CCDC3: variants seen among roughly 807,000 people sequenced by gnomAD.
CCDC3 encodes the protein coiled-coil domain-containing protein 3.
Under a neutral mutation model 21.4 loss-of-function variants are expected in CCDC3, and 24 were observed. The ratio of observed to expected loss-of-function variants is 1.12; its 90% CI spans 0.81 to 1.58. The LOEUF (loss-of-function observed/expected upper bound fraction) is 1.58, where lower values mean the gene tolerates loss of function less well. Ranked by LOEUF, CCDC3 falls within the 40% of genes most tolerant of loss-of-function variation. The pLI is 0.00. For synonymous variants in CCDC3, 186 were observed against 166.0 expected (o/e 1.12, Z -0.93); for missense variants, 425 against 360.9 (o/e 1.18, Z -1.44).
intron 2 of CCDC3, among the ~76,000 whole-genome samples, chr10:12,958,664 C>A (rs1345805921): frequency 6.6e-6 from 1 of 152,164 alleles, no homozygotes; most frequent in Non-Finnish European, 1.5e-5. Context: ...CTGACAGGAC[C>A]AGGCCCAATT....
chr10:12,984,891 C>G (rs1835562989), intron 2 of CCDC3, among the ~76,000 whole-genome samples: 1 of 152,008 alleles, frequency 6.6e-6, no homozygotes, highest in African/African-American at 2.4e-5. Context: ...ATTGCTGGGG[C>G]CTGGAAGAAG....
intron 5 of CCDC3, among the ~76,000 whole-genome samples, chr10:13,015,258 A>G (rs1836039539): frequency 6.6e-6 from 1 of 152,092 alleles, no homozygotes; most frequent in Admixed American, 6.5e-5. Context: ...CCTCTATCCT[A>G]CTAGACTATA....
intron 4 of CCDC3, among the ~76,000 whole-genome samples, chr10:13,059,947 C>T (rs1160398485): frequency 6.6e-6 from 1 of 151,838 alleles, no homozygotes; most frequent in Non-Finnish European, 1.5e-5. Flanking sequence ...CTTAGCCGGG[C>T]GTGATGGCGG....
rs74510977 is a variant in CCDC3, at chr10:13,080,460, C to G, written c.-502-6360G>C. 5.6e-3 allele frequency among the ~76,000 whole-genome samples: 850 copies of G among 151,992 alleles called. 12 individuals are homozygous for G. The highest frequency in any genetic ancestry group is 0.031 in the East Asian group (160 of 5,168). ...CCTGAATGTAAAACTATTAAAGGAACAGTTTATGTGCAAGATATGTAAGGA... is the reference window on the plus strand; with the variant it reads ...CCTGAATGTAAAACTATTAAAGGAAGAGTTTATGTGCAAGATATGTAAGGA... On this transcript the variant is annotated intron_variant, in intron 3 of 6. Coordinates refer to the CCDC3 transcript ENST00000378839.
At chr10:13,039,293 C>T (rs1256625655) in intron 5 of CCDC3, among the ~76,000 whole-genome samples, 2 of 152,160 alleles carry the variant, frequency 1.3e-5, no homozygotes, top group East Asian at 1.9e-4. Context: ...TGTGGTGGAG[C>T]ACACCTGTAA....
rs560075565 is a variant in CCDC3 at position 12,937,443 on chromosome 10, G to A, written c.550-38764C>T. 9.2e-5 allele frequency among the ~76,000 whole-genome samples: 14 copies of A among 152,210 alleles called. 1 individual carries two copies. The South Asian group carries it at 1.9e-3, about 20-fold the overall frequency. ...AAGACATCAGATATCATCATGTCAC[G>A]TTCTATCTCAATGTACTGTGTTTTT... On this transcript the variant is annotated intron_variant, in intron 2 of 2. Coordinates refer to ENST00000378825, the MANE Select transcript of CCDC3 (RefSeq NM_031455.4).
At chr10:12,948,783 A>C (rs1364651554) in intron 2 of CCDC3, among the ~76,000 whole-genome samples, 1 of 117,236 alleles carries the variant, frequency 8.5e-6, no homozygotes, top group African/African-American at 3.4e-5. Flanking sequence ...CCCAGGCTGG[A>C]CTGCAGTGGC....
rs143439444 is a variant in CCDC3 at position 12,920,686 on chromosome 10, C to T, written c.550-22007G>A. Among the ~76,000 whole-genome samples, 13 of 152,290 alleles carry T rather than the reference C, an allele frequency of 8.5e-5. No individual in the cohort carries two copies. The East Asian group carries it at 1.7e-3, about 20-fold the overall frequency. ...GGCACTGTATGAGAAGTTTTGAACACGTATCTTATTATATTCTGACATTCC... is the reference window on the plus strand; with the variant it reads ...GGCACTGTATGAGAAGTTTTGAACATGTATCTTATTATATTCTGACATTCC... On this transcript the variant is annotated intron_variant, in intron 2 of 2. Coordinates refer to ENST00000378825, the MANE Select transcript of CCDC3 (RefSeq NM_031455.4).
intron 3 of CCDC3, chr10:13,074,153 A>ATATTT (rs1365749317): frequency 1.6e-5 from 1 of 64,292 alleles, no homozygotes; most frequent in African/African-American, 6.9e-5. Flanking sequence ...ATATATATAT[A>ATATTT]TTTTTTTTTT....
intron 2 of CCDC3, among the ~76,000 whole-genome samples, chr10:12,973,795 T>G (rs1835376815): frequency 6.6e-6 from 1 of 152,176 alleles, no homozygotes; most frequent in African/African-American, 2.4e-5. Context: ...TGACCCAGGT[T>G]TTATATCCCC....
intron 2 of CCDC3, among the ~76,000 whole-genome samples, chr10:12,951,173 C>T (rs1007685659): frequency 7.9e-5 from 12 of 152,108 alleles, no homozygotes; most frequent in Admixed American, 2.6e-4. Context: ...GACTTCAAGA[C>T]CAACCTGGGA....
chr10:12,982,046 C>T (rs1589029661), intron 2 of CCDC3, among the ~76,000 whole-genome samples: 1 of 136,566 alleles, frequency 7.3e-6, no homozygotes, highest in African/African-American at 2.7e-5. Context: ...TGCTTGAACT[C>T]GGGAGGCAGA....
chr10:12,994,189 G>C (rs1015320388), intron 2 of CCDC3, among the ~76,000 whole-genome samples: 2 of 152,112 alleles, frequency 1.3e-5, no homozygotes, highest in African/African-American at 2.4e-5. Flanking sequence ...CTTGAGGCTG[G>C]GAGATCGAGA....
chr10:12,915,707 G>A (rs1834342875), intron 2 of CCDC3, among the ~76,000 whole-genome samples: 1 of 152,194 alleles, frequency 6.6e-6, no homozygotes, highest in Non-Finnish European at 1.5e-5. Flanking sequence ...CTTTGGGTAG[G>A]CTGGCCTGGT....
At chr10:13,049,136 C>G (rs1274676427) in intron 5 of CCDC3, among the ~76,000 whole-genome samples, 1 of 152,156 alleles carries the variant, frequency 6.6e-6, no homozygotes, top group Non-Finnish European at 1.5e-5. Flanking sequence ...CCCCAGCTAT[C>G]CCTTCCCTTT....
intron 5 of CCDC3, among the ~76,000 whole-genome samples, chr10:13,043,581 G>A (rs1045861884): frequency 6.6e-6 from 1 of 152,096 alleles, no homozygotes. Context: ...GGGACAGAGT[G>A]AGACTTTGTC....
intron 3 of CCDC3, among the ~76,000 whole-genome samples, chr10:13,089,677 A>T (rs1837155237): frequency 6.6e-6 from 1 of 152,038 alleles, no homozygotes; most frequent in Non-Finnish European, 1.5e-5. Flanking sequence ...TTTAAATTTA[A>T]ATTTTAATTT....
upstream of CCDC3, chr10:13,099,700 C>G (rs1166413929): frequency 1.3e-5 from 2 of 151,968 alleles, no homozygotes; most frequent in Non-Finnish European, 2.9e-5. Flanking sequence ...TTAACTATGT[C>G]TAGATGTTAA....
intron 2 of CCDC3, among the ~76,000 whole-genome samples, chr10:12,943,525 G>C (rs1047807161): frequency 2.0e-5 from 3 of 152,224 alleles, no homozygotes; most frequent in Non-Finnish European, 4.4e-5. Context: ...ATACTTGGAA[G>C]CCAGGTATAT....
Sources: allele counts gnomAD v4.1 joint callset (sites outside exome capture counted in the v4.1 genomes callset), GRCh38; gene constraint gnomAD v4.1.1; transcripts MANE v1.5; gene names NCBI Gene and HGNC (gene_info 2026-07-23, HGNC 2026-07-21).